Variants in IL21R observed in about 807,000 individuals in gnomAD.
IL21R encodes interleukin 21 receptor, also known as interleukin-21 receptor.
A neutral mutation model predicts 41.3 loss-of-function variants in IL21R; 14 were observed. The ratio of observed to expected loss-of-function variants is 0.34; its 90% CI spans 0.22 to 0.53. The LOEUF (loss-of-function observed/expected upper bound fraction) is 0.53, where lower values mean the gene tolerates loss of function less well. IL21R is among the 20% of genes least tolerant of loss of function. The pLI is 0.94. For synonymous variants in IL21R, 286 were observed against 287.6 expected (o/e 0.99, Z 0.05); for missense variants, 588 against 681.6 (o/e 0.86, Z 1.53).
rs1270497443 is a variant in IL21R, at chr16:27,448,271, A to G, written c.868-263A>G. The G allele has an allele frequency of 1.0e-4, 45 of 430,736 alleles. No individual in the cohort carries two copies. The Admixed American group carries it at 1.8e-3, about 17-fold the overall frequency. 26.7% of individuals were successfully genotyped at this position (430,736 alleles called of 1,614,324 possible). A position where few individuals can be genotyped will look rare whatever the true frequency, so the allele number is the denominator to read the frequency against. On this transcript the variant is annotated intron_variant, in intron 8 of 8. Coordinates refer to ENST00000337929, the MANE Select transcript of IL21R (RefSeq NM_181078.3). ...GGAGTTCAAGATCAGTCTGGCCAAC[A>G]TGGTGAAACCACGTCTCTACTAAAA...
Position 27,448,602 on chromosome 16 carries a change from C to T in IL21R, c.936C>T (p.Ser312=), listed in dbSNP as rs1490191710. The T allele has an allele frequency of 3.1e-6, 5 of 1,612,932 alleles. No individual in the cohort carries two copies. In the African/African-American group the frequency reaches 4.0e-5, roughly 13 times the overall value. ...GACCCTGGAGCCCAGAGGTGCCCTCCACCCTGGAGGTGTACAGCTGCCACC... is the reference window on the plus strand; with the variant it reads ...GACCCTGGAGCCCAGAGGTGCCCTCTACCCTGGAGGTGTACAGCTGCCACC... ...ELGPWSPEVP[S]TLEVYSCHPP... The change falls in exon 9 of 9, where the codon TCC becomes TCT. Residue 312 remains serine (S), a synonymous_variant. Coordinates refer to ENST00000337929, the MANE Select transcript of IL21R (RefSeq NM_181078.3).
At chr16:27,427,816 T>A (rs898303378) in intron 1 of IL21R, among the ~76,000 whole-genome samples, 1 of 152,072 alleles carries the variant, frequency 6.6e-6, no homozygotes, top group Non-Finnish European at 1.5e-5. Context: ...ATCTTCAAAG[T>A]GTGATAACAG....
chr16:27,434,217 A>G, intron 2 of IL21R, 130 bp from the exon 3 acceptor site: 1 of 618,546 alleles, frequency 1.6e-6, no homozygotes, highest in Non-Finnish European at 2.9e-6. Context: ...GCAGCTCCTG[A>G]GTCCTCATAT....
chr16:27,420,293 C>CA (rs1222286234), intron 1 of IL21R, among the ~76,000 whole-genome samples: 1 of 152,192 alleles, frequency 6.6e-6, no homozygotes, highest in Non-Finnish European at 1.5e-5. Context: ...CGTCACTAGA[C>CA]AATAGGAATT....
chr16:27,435,400 A>G (rs1201975343), intron 3 of IL21R, among the ~76,000 whole-genome samples: 2 of 152,210 alleles, frequency 1.3e-5, no homozygotes, highest in African/African-American at 4.8e-5. Flanking sequence ...TGGGGGAGAC[A>G]GACACACAAA....
In IL21R at chr16:27,419,408, G is replaced by GAAGAACAT. The variant is rs536989627; in HGVS notation, c.-16-10648_-16-10647insAAGAACAT. On this transcript the variant is annotated intron_variant, in intron 1 of 8. Coordinates refer to ENST00000337929, the MANE Select transcript of IL21R (RefSeq NM_181078.3). ...TTCCGGAATCCATCCTGAAGGACCT[G>GAAGAACAT]CCTGAGGCTGTTTTACAAGTTAACA... 3.3e-4 allele frequency among the ~76,000 whole-genome samples: 50 copies of GAAGAACAT among 152,222 alleles called. No homozygotes were observed. The East Asian group carries it at 7.1e-3, about 22-fold the overall frequency.
chr16:27,440,248 T>TATAGAG lies in IL21R; in HGVS notation c.352+2562_352+2563insTAGAGA, dbSNP rs1352160946. On this transcript the variant is annotated intron_variant, in intron 4 of 8. Coordinates refer to ENST00000337929, the MANE Select transcript of IL21R (RefSeq NM_181078.3). ...ATATATATATATATATATATATATATAGAGAGAGAGAGAGAGAGAGAGAGA... is the reference window on the plus strand; with the variant it reads ...ATATATATATATATATATATATATATATAGAGAGAGAGAGAGAGAGAGAGAGAGAGA... 5.2e-3 allele frequency among the ~76,000 whole-genome samples: 336 copies of TATAGAG among 64,014 alleles called. 3 individuals carry two copies. Among genetic ancestry groups the TATAGAG allele is most frequent in the Middle Eastern group, 0.01 (1 of 96 alleles). 42.0% of individuals were successfully genotyped at this position (64,014 alleles called of 152,430 possible).
At chr16:27,423,633 TCTAA>T (rs376635056) in intron 1 of IL21R, among the ~76,000 whole-genome samples, 3 of 152,366 alleles carry the variant, frequency 2.0e-5, no homozygotes, top group African/African-American at 7.2e-5. Flanking sequence ...TATGCTGTTC[TCTAA>T]CTTCCTTTTT....
intron 1 of IL21R, among the ~76,000 whole-genome samples, chr16:27,425,755 C>A (rs1223044632): frequency 6.6e-6 from 1 of 152,000 alleles, no homozygotes; most frequent in African/African-American, 2.4e-5. Context: ...GGGGTTTCGC[C>A]GTGTTGGCCA....
chr16:27,407,861 T>C (rs1374497750), intron 1 of IL21R, among the ~76,000 whole-genome samples: 1 of 149,184 alleles, frequency 6.7e-6, no homozygotes, highest in Non-Finnish European at 1.5e-5. Flanking sequence ...AAAAAACGTA[T>C]CCTCACCAAA....
intron 1 of IL21R, among the ~76,000 whole-genome samples, chr16:27,420,284 G>A (rs895493283): frequency 1.3e-5 from 2 of 152,256 alleles, no homozygotes; most frequent in East Asian, 3.9e-4. Context: ...GTGTCATGAC[G>A]TCACTAGACA....
rs139564397 is a variant in IL21R at position 27,403,873 on chromosome 16, T to C, written c.-17+1255T>C. On this transcript the variant is annotated intron_variant, in intron 1 of 8. Transcript: ENST00000337929. ...GTTGTAGGCACTTAAGCGTCTCCCA[T>C]AGTCCTCAACAGGTGAAGCGGGCAG... 1.2e-3 allele frequency among the ~76,000 whole-genome samples: 176 copies of C among 152,250 alleles called. 1 individual carries two copies. The highest frequency in any genetic ancestry group is 2.0e-3 in the Non-Finnish European group (138 of 68,012).
At chr16:27,407,091 G>A (rs78001336) in intron 1 of IL21R, among the ~76,000 whole-genome samples, 1,851 of 152,268 alleles carry the variant, frequency 0.012, 40 homozygotes, top group African/African-American at 0.042. Context: ...AAGCTAATGA[G>A]GAAAGCAGGA....
chr16:27,443,042 C>A lies in IL21R; in HGVS notation c.433C>A (p.Pro145Thr), dbSNP rs749503528. 1.1e-5 allele frequency: 18 copies of A among 1,613,836 alleles called. No individual in the cohort carries two copies. The Admixed American group carries it at 2.5e-4, about 22-fold the overall frequency. The part of the protein sequence containing the change: ...NISWRSDYED[P>T]AFYMLKGKLQ... The stretch of plus-strand genomic sequence containing the variant: ...CTCCTGGCGCTCAGATTACGAAGAC[C>A]CTGCCTTCTACATGCTGAAGGGCAA... The change falls in exon 5 of 9, where the codon CCT becomes ACT. Residue 145 changes from proline (P) to threonine (T), a missense_variant. Pro to Thr is a conservative substitution (Grantham distance 38). Transcript: ENST00000337929.
At position 27,445,195 on chromosome 16, in the gene IL21R, A is replaced by C; in HGVS notation, c.704A>C (p.Asn235Thr). The C allele has an allele frequency of 6.2e-7, 1 of 1,613,838 alleles. No homozygotes were observed. Among genetic ancestry groups the C allele is most frequent in the African/African-American group, 1.3e-5 (1 of 74,998 alleles). ...TTCCCAGAGTTAAAGGAAGGCTGGAACCCTCACCTGCTGCTTCTCCTCCTG... is the reference window on the plus strand; with the variant it reads ...TTCCCAGAGTTAAAGGAAGGCTGGACCCCTCACCTGCTGCTTCTCCTCCTG... ...TQSEELKEGW[N>T]PHLLLLLLLV... Residue 235 changes from asparagine to threonine, a missense_variant, in exon 7 of 9, where the codon AAC (asparagine) becomes ACC (threonine). Transcript: ENST00000337929.
At chr16:27,445,134 G>A (rs773867642) in intron 6 of IL21R, 43 bp from the exon 7 acceptor site, 14 of 1,435,862 alleles carry the variant, frequency 9.8e-6, no homozygotes, top group Non-Finnish European at 1.3e-5. Flanking sequence ...ATGGCCTCTG[G>A]TAGAGTTGGT....
rs200566791 is a variant in IL21R at position 27,445,216 on chromosome 16, T to G, written c.725T>G (p.Leu242Arg). The change falls in exon 7 of 9, where the codon CTC becomes CGC. Residue 242 changes from leucine to arginine, a missense_variant. Transcript: ENST00000337929. ...TGGAACCCTCACCTGCTGCTTCTCC[T>G]CCTGCTTGTCATAGTCTTCATTCCT... The part of the protein sequence containing the change: ...EGWNPHLLLL[L>R]LLVIVFIPAF... The G allele has an allele frequency of 6.2e-7, 1 of 1,614,124 alleles. No individual in the cohort carries two copies. Among genetic ancestry groups the G allele is most frequent in the Admixed American group, 1.7e-5 (1 of 60,018 alleles).
chr16:27,444,643 G>C lies in IL21R; in HGVS notation c.609G>C (p.Gly203=). 6.3e-7 allele frequency: 1 copy of C among 1,586,158 alleles called. No homozygotes were observed. Among genetic ancestry groups the C allele is most frequent in the Non-Finnish European group, 8.6e-7 (1 of 1,166,398 alleles). ...GCTATGAGCTGCAGGTGCGGGCAGG[G>C]CCCATGCCTGGCTCCTCCTACCAGG... is the stretch of plus-strand genomic sequence containing the variant. ...DSSYELQVRA[G]PMPGSSYQGT... The change falls in exon 6 of 9, where the codon GGG becomes GGC. Residue 203 remains glycine (G), a synonymous_variant. Coordinates refer to ENST00000337929, the MANE Select transcript of IL21R (RefSeq NM_181078.3).
chr16:27,435,965 G>A (rs780343885), intron 3 of IL21R, among the ~76,000 whole-genome samples: 54 of 152,144 alleles, frequency 3.5e-4, no homozygotes, highest in Non-Finnish European at 6.6e-4. Context: ...TAGAGACAGG[G>A]TTTTGTCATG....
Sources: allele counts gnomAD v4.1 joint callset (sites outside exome capture counted in the v4.1 genomes callset), GRCh38; gene constraint gnomAD v4.1.1; transcripts MANE v1.5; gene names NCBI Gene and HGNC (gene_info 2026-07-23, HGNC 2026-07-21).